Variants in CXorf58 observed in about 807,000 individuals in gnomAD.
CXorf58 encodes the protein uncharacterized protein CXorf58.
In CXorf58, 24 loss-of-function variants were observed where a neutral mutation model predicts 26.0. The observed-to-expected ratio is 0.92, with a 90% CI of 0.67 to 1.30. The LOEUF is 1.30. CXorf58 is among the 50% of genes most tolerant of loss of function. CXorf58 has a pLI of 0.00. For missense variants in CXorf58, 236 were observed against 263.9 expected (o/e 0.89, Z 0.73); for synonymous variants, 87 against 86.1 (o/e 1.01, Z -0.06).
intron 5 of CXorf58, among the ~76,000 whole-genome samples, chrX:23,925,710 C>T (rs1200148918): frequency 8.3e-5 from 9 of 108,828 alleles, no homozygotes; most frequent in Admixed American, 4.0e-4. Context: ...TCACAAATAC[C>T]GCATTCTGAC....
At chrX:23,931,250 C>T (rs1229247756) in intron 6 of CXorf58, among the ~76,000 whole-genome samples, 1 of 111,737 alleles carries the variant, frequency 8.9e-6, no homozygotes, top group East Asian at 2.8e-4. Flanking sequence ...GGACAAAGAC[C>T]ACATACTTTC....
At chrX:23,917,059 G>T (rs1181564740) in intron 5 of CXorf58, among the ~76,000 whole-genome samples, 1 of 109,838 alleles carries the variant, frequency 9.1e-6, no homozygotes, top group African/African-American at 3.3e-5. Context: ...TTTCAGCCAG[G>T]CACGGTGGCT....
intron 5 of CXorf58, among the ~76,000 whole-genome samples, chrX:23,923,865 C>T (rs766957296): frequency 1.8e-5 from 2 of 109,069 alleles, no homozygotes; most frequent in South Asian, 4.0e-4. Context: ...ATCAGGAGTT[C>T]GAGACCAGCC....
intron 4 of CXorf58, 64 bp from the exon 5 acceptor site, chrX:23,916,153 A>C: frequency 1.6e-6 from 1 of 622,308 alleles, no homozygotes; most frequent in Non-Finnish European, 2.6e-6. Context: ...CTTAAGTATA[A>C]GGGGGAAAAG....
chrX:23,931,802 GAAAAC>G (rs1035903131), intron 6 of CXorf58, among the ~76,000 whole-genome samples: 1 of 111,593 alleles, frequency 9.0e-6, no homozygotes, highest in Non-Finnish European at 1.9e-5. Context: ...CCCCATCTCT[GAAAAC>G]AAAACAAAAC....
intron 5 of CXorf58, among the ~76,000 whole-genome samples, chrX:23,918,680 C>T (rs57961250): frequency 0.21 from 23,449 of 110,828 alleles, 2,394 homozygotes; most frequent in East Asian, 0.56. Context: ...ATTTTGTACT[C>T]TCAGATTTCT....
intron 8 of CXorf58, 53 bp downstream of exon 8, chrX:23,938,753 G>A: frequency 1.1e-6 from 1 of 871,424 alleles, no homozygotes; most frequent in South Asian, 3.1e-5. Context: ...CAAACTGTCT[G>A]TAAAGTAGCT....
intron 3 of CXorf58, among the ~76,000 whole-genome samples, chrX:23,915,365 C>T (rs999849135): frequency 8.9e-6 from 1 of 111,856 alleles, no homozygotes; most frequent in Non-Finnish European, 1.9e-5. Context: ...AAGAGAAAAG[C>T]CACCATCCCT....
chrX:23,916,439 A>T, intron 5 of CXorf58, 111 bp downstream of exon 5: 1 of 442,706 alleles, frequency 2.3e-6, no homozygotes, highest in South Asian at 4.0e-5. Flanking sequence ...GAAACAGCCC[A>T]CCAGGTAGGT....
At chrX:23,923,788 T>C (rs753238539) in intron 5 of CXorf58, among the ~76,000 whole-genome samples, 16 of 111,683 alleles carry the variant, frequency 1.4e-4, no homozygotes, top group Non-Finnish European at 2.8e-4. Flanking sequence ...CCATCTCTAC[T>C]GAAAATACAG....
At chrX:23,920,908 A>T (rs1927850034) in intron 5 of CXorf58, among the ~76,000 whole-genome samples, 1 of 107,461 alleles carries the variant, frequency 9.3e-6, no homozygotes, top group East Asian at 3.0e-4. Context: ...AAAAAAAAAC[A>T]CCTAGAAAAT....
chrX:23,928,467 G>A (rs1414105347), intron 6 of CXorf58, among the ~76,000 whole-genome samples: 1 of 111,550 alleles, frequency 9.0e-6, no homozygotes, highest in Non-Finnish European at 1.9e-5. Flanking sequence ...ACAAGCGTGA[G>A]CCACCACGCC....
intron 5 of CXorf58, among the ~76,000 whole-genome samples, chrX:23,920,445 T>C (rs1927834426): frequency 8.9e-6 from 1 of 112,017 alleles, no homozygotes; most frequent in African/African-American, 3.2e-5. Context: ...AGTTCTAGCA[T>C]GTATGCAGGA....
At chrX:23,909,469 A>G (rs1927511923) in intron 1 of CXorf58, among the ~76,000 whole-genome samples, 1 of 112,306 alleles carries the variant, frequency 8.9e-6, no homozygotes, top group Non-Finnish European at 1.9e-5. Flanking sequence ...CATTTAATGC[A>G]TTAAGAAGAC....
intron 5 of CXorf58, among the ~76,000 whole-genome samples, chrX:23,918,979 C>A (rs1383953106): frequency 8.9e-6 from 1 of 112,219 alleles, no homozygotes; most frequent in African/African-American, 3.2e-5. Flanking sequence ...TGTTTCTTTT[C>A]TCTTGCTGAT....
chrX:23,927,404 C>T, intron 6 of CXorf58, 34 bp downstream of exon 6: 2 of 1,018,703 alleles, frequency 2.0e-6, no homozygotes, highest in East Asian at 3.5e-5. Context: ...ACAAACAAAC[C>T]CAGCAAGTCT....
intron 2 of CXorf58, among the ~76,000 whole-genome samples, chrX:23,911,308 C>A (rs759482086): frequency 1.8e-5 from 2 of 111,245 alleles, no homozygotes; most frequent in South Asian, 3.7e-4. Context: ...TTTTCTAGGG[C>A]ATAGTCATCC....
chrX:23,908,841 A>G (rs751387805), intron 1 of CXorf58, among the ~76,000 whole-genome samples: 3 of 112,405 alleles, frequency 2.7e-5, no homozygotes, highest in East Asian at 2.8e-4. Flanking sequence ...TGGGTTTCTC[A>G]TTGCTGCAAG....
chrX:23,910,760 CTTTTTT>C (rs779387168), intron 2 of CXorf58, among the ~76,000 whole-genome samples: 6 of 51,449 alleles, frequency 1.2e-4, no homozygotes, highest in Admixed American at 2.9e-4. Flanking sequence ...TTTTTCCTTT[CTTTTTT>C]TTTTTTTTTT....
Sources: gnomAD v4.1 joint callset for allele counts (sites outside exome capture counted in the v4.1 genomes callset) on GRCh38, gnomAD v4.1.1 for gene constraint, MANE v1.5 for transcripts, NCBI Gene and HGNC (gene_info 2026-07-23, HGNC 2026-07-21) for gene names.